The following AHDC1 variants were observed in gnomAD, a reference collection of about 807,000 sequenced individuals.
AHDC1 encodes the protein transcription factor Gibbin.
AHDC1 carries 7 observed loss-of-function variants against 87.9 expected under a neutral mutation model. That is an observed-to-expected ratio of 0.08 (90% CI 0.05 to 0.15). The LOEUF (loss-of-function observed/expected upper bound fraction) is 0.15. Among genes scored for constraint, AHDC1 ranks in the 10% least tolerant of loss-of-function variants. The pLI, the probability that AHDC1 is intolerant of heterozygous loss-of-function variation, is 1.00. For synonymous variants in AHDC1, 1,051 were observed against 1,006.8 expected (o/e 1.04, Z -0.83); for missense variants, 1,841 against 2,253.2 (o/e 0.82, Z 3.70).
At chr1:27,556,521 G>A (rs997531946) in intron 5 of AHDC1, among the ~76,000 whole-genome samples, 2 of 151,746 alleles carry the variant, frequency 1.3e-5, no homozygotes, top group East Asian at 3.9e-4. Flanking sequence ...CCCTTCAGCC[G>A]CCTACCTGCC....
chr1:27,545,215 T>C (rs1028403021), intron 8 of AHDC1, among the ~76,000 whole-genome samples: 1 of 152,082 alleles, frequency 6.6e-6, no homozygotes. Context: ...CACTGTTTGC[T>C]GTCTTTCCCT....
At chr1:27,566,619 C>CACT (rs1327844517) in intron 3 of AHDC1, among the ~76,000 whole-genome samples, 1 of 131,184 alleles carries the variant, frequency 7.6e-6, no homozygotes, top group Non-Finnish European at 1.6e-5. Flanking sequence ...GAGGGGGTGA[C>CACT]ACTACTAAGT....
chr1:27,570,975 C>G (rs1159014838), intron 3 of AHDC1, among the ~76,000 whole-genome samples: 1 of 152,084 alleles, frequency 6.6e-6, no homozygotes, highest in East Asian at 1.9e-4. Context: ...GGTGACAGAC[C>G]CCCCCACTCT....
intron 3 of AHDC1, among the ~76,000 whole-genome samples, chr1:27,585,448 T>C (rs578044904): frequency 6.6e-6 from 1 of 152,050 alleles, no homozygotes; most frequent in African/African-American, 2.4e-5. Flanking sequence ...AATAATTAAG[T>C]GAAGATCTGT....
At position 27,563,203 on chromosome 1, in the gene AHDC1, CACAG is replaced by C. The variant is rs1040755146; in HGVS notation, c.-628-4324_-628-4321del. On this transcript the variant is annotated intron_variant, in intron 3 of 8. Transcript: ENST00000673934. The surrounding 1 kb of genome is among the most constrained non-coding windows in gnomAD (Gnocchi z 6.1). ...CAAGACACACACACATGCACACACA[CACAG>C]AACCTGTCACACAGCTGACCAAGAC... is the stretch of plus-strand genomic sequence containing the variant. Among the ~76,000 whole-genome samples the C allele has an allele frequency of 6.6e-5, 10 of 151,854 alleles. No individual in the cohort carries two copies. Among genetic ancestry groups the C allele is most frequent in the South Asian group, 4.2e-4 (2 of 4,772 alleles).
At chr1:27,572,892 A>G (rs57467219) in intron 3 of AHDC1, among the ~76,000 whole-genome samples, 1 of 152,074 alleles carries the variant, frequency 6.6e-6, no homozygotes, top group Admixed American at 6.5e-5. Context: ...GCCATGCCCC[A>G]ATTCCCTGGA....
chr1:27,567,883 G>A (rs1423071541), intron 3 of AHDC1: 4 of 152,256 alleles, frequency 2.6e-5, no homozygotes, highest in Non-Finnish European at 5.9e-5. Context: ...TTGTGGGGAG[G>A]GACAGGGAAG....
chr1:27,576,096 C>T (rs1359259769), intron 3 of AHDC1, among the ~76,000 whole-genome samples: 1 of 152,094 alleles, frequency 6.6e-6, no homozygotes, highest in African/African-American at 2.4e-5. Context: ...CACGCCCCTC[C>T]TGCAGAGAGC....
In AHDC1 at chr1:27,588,663, A is replaced by AGT. The variant is rs747573511; in HGVS notation, c.-629+14732_-629+14733dup. On this transcript the variant is annotated intron_variant, in intron 3 of 8. Coordinates refer to ENST00000673934, the MANE Select transcript of AHDC1 (RefSeq NM_001371928.1). ...AAATGATGGTGTGAGGGAGGCTCTC[A>AGT]GTGTGTGTGTGTGCACATGGGCAAG... is the stretch of plus-strand genomic sequence containing the variant. 1.1e-3 allele frequency among the ~76,000 whole-genome samples: 166 copies of AGT among 152,142 alleles called. 1 individual carries two copies. The highest frequency in any genetic ancestry group is 6.5e-4 in the Non-Finnish European group (44 of 67,960).
At chr1:27,580,900 T>C (rs1169477890) in intron 3 of AHDC1, among the ~76,000 whole-genome samples, 1 of 152,020 alleles carries the variant, frequency 6.6e-6, no homozygotes, top group African/African-American at 2.4e-5. Flanking sequence ...AGTGGTGCCA[T>C]CTCAGCTCAT....
intron 3 of AHDC1, among the ~76,000 whole-genome samples, chr1:27,602,819 A>C (rs1571362511): frequency 1.4e-5 from 2 of 138,664 alleles, no homozygotes; most frequent in East Asian, 2.1e-4. Flanking sequence ...TCCGCCCCAC[A>C]CCCCCTCCGG....
intron 3 of AHDC1, among the ~76,000 whole-genome samples, chr1:27,599,987 G>A (rs2089486563): frequency 6.6e-6 from 1 of 151,910 alleles, no homozygotes; most frequent in Admixed American, 6.6e-5. Context: ...TGGGTGAGAG[G>A]ACCTCAGGGC....
intron 3 of AHDC1, among the ~76,000 whole-genome samples, chr1:27,567,810 A>T (rs1247596813): frequency 1.3e-5 from 2 of 152,090 alleles, no homozygotes; most frequent in African/African-American, 2.4e-5. Context: ...CTCTTCACAG[A>T]AGTTGGGGTT....
rs187365527 is a variant in AHDC1 at position 27,590,869 on chromosome 1, G to A, written c.-629+12528C>T. ...ATGAGCATCAGCTGGAGGGAGTGGGGAACAGGCAGGTGGGCTCCCTCAACC... is the reference window on the plus strand; with the variant it reads ...ATGAGCATCAGCTGGAGGGAGTGGGAAACAGGCAGGTGGGCTCCCTCAACC... On this transcript the variant is annotated intron_variant, in intron 3 of 8. Coordinates refer to ENST00000673934, the MANE Select transcript of AHDC1 (RefSeq NM_001371928.1). The surrounding 1 kb of genome is among the most constrained non-coding windows in gnomAD (Gnocchi z 5.4). 1.3e-3 allele frequency among the ~76,000 whole-genome samples: 198 copies of A among 152,318 alleles called. 1 individual carries two copies. Among genetic ancestry groups the A allele is most frequent in the Admixed American group, 6.1e-3 (93 of 15,308 alleles).
intron 5 of AHDC1, chr1:27,553,436 T>A (rs2019666996): frequency 6.6e-6 from 1 of 152,178 alleles, no homozygotes; most frequent in African/African-American, 2.4e-5. Flanking sequence ...ACTGATCAGA[T>A]CATTATAAAT....
intron 3 of AHDC1, among the ~76,000 whole-genome samples, chr1:27,602,996 C>G (rs919765960): frequency 7.0e-6 from 1 of 143,324 alleles, no homozygotes; most frequent in African/African-American, 2.5e-5. Context: ...TCCCCCCCCC[C>G]CCACATTCTC....
chr1:27,546,838 C>T (rs1015374254), intron 8 of AHDC1, among the ~76,000 whole-genome samples: 9 of 152,176 alleles, frequency 5.9e-5, no homozygotes, highest in African/African-American at 2.2e-4. Context: ...GGTAGACGAC[C>T]GTCCAACCTG....
At chr1:27,574,330 C>T (rs149229780) in intron 3 of AHDC1, among the ~76,000 whole-genome samples, 162 of 152,294 alleles carry the variant, frequency 1.1e-3, no homozygotes, top group Non-Finnish European at 2.0e-3. Context: ...TTGGGGGCTA[C>T]CTCTATTCCT....
At chr1:27,569,104 C>T (rs1013794855) in intron 3 of AHDC1, among the ~76,000 whole-genome samples, 3 of 141,538 alleles carry the variant, frequency 2.1e-5, no homozygotes, top group African/African-American at 5.2e-5. Context: ...CTGGATACTA[C>T]CCCCCATCGC....
Sources: allele counts gnomAD v4.1 joint callset (sites outside exome capture counted in the v4.1 genomes callset), GRCh38; gene constraint gnomAD v4.1.1; non-coding constraint Gnocchi (gnomAD v3.1); transcripts MANE v1.5; gene names NCBI Gene and HGNC (gene_info 2026-07-23, HGNC 2026-07-21).